The following USH2A variants were observed in gnomAD, a reference collection of about 807,000 sequenced individuals.
USH2A encodes the protein usherin.
A neutral mutation model predicts 538.9 loss-of-function variants in USH2A; 443 were observed. The observed-to-expected ratio is 0.82, with a 90% CI of 0.76 to 0.89. The LOEUF (loss-of-function observed/expected upper bound fraction) is 0.89, where lower values mean the gene tolerates loss of function less well. Among genes scored for constraint, USH2A ranks in the 40% least tolerant of loss-of-function variants. The pLI, the probability that USH2A is intolerant of heterozygous loss-of-function variation, is 0.00. For missense variants in USH2A, 6,633 were observed against 6,324.8 expected, an observed-to-expected ratio of 1.05 and a Z score of -1.65; for synonymous variants, 2,413 against 2,273.5, an observed-to-expected ratio of 1.06 and a Z score of -1.75.
At chr1:216,106,864 T>G (rs1349506385) in intron 21 of USH2A, among the ~76,000 whole-genome samples, 1 of 151,900 alleles carries the variant, frequency 6.6e-6, no homozygotes, top group Non-Finnish European at 1.5e-5. Flanking sequence ...GTTAAAAAAT[T>G]CCCCTTAATT....
intron 14 of USH2A, among the ~76,000 whole-genome samples, chr1:216,227,439 T>G (rs1470536233): frequency 6.6e-6 from 1 of 152,074 alleles, no homozygotes; most frequent in Non-Finnish European, 1.5e-5. Context: ...AGGAAGGAGT[T>G]TGTAGAATGA....
intron 15 of USH2A, among the ~76,000 whole-genome samples, chr1:216,209,910 T>TG (rs2035201459): frequency 6.6e-6 from 1 of 152,148 alleles, no homozygotes; most frequent in South Asian, 2.1e-4. Context: ...TACCTGTTCC[T>TG]TTTTCTCCCC....
At chr1:216,061,992 T>C (rs1185654027) in intron 30 of USH2A, among the ~76,000 whole-genome samples, 2 of 152,132 alleles carry the variant, frequency 1.3e-5, no homozygotes, top group African/African-American at 2.4e-5. Flanking sequence ...GTAAGATGAT[T>C]TGAAAACAGT....
chr1:216,174,357 G>A, intron 21 of USH2A: 1 of 983,774 alleles, frequency 1.0e-6, no homozygotes. Context: ...TGTACCATAA[G>A]TAGAGTTTTT....
At chr1:216,261,813 C>T (rs920530075) in intron 11 of USH2A, among the ~76,000 whole-genome samples, 10 of 152,228 alleles carry the variant, frequency 6.6e-5, no homozygotes, top group African/African-American at 2.4e-4. Context: ...CAAAGCAAGC[C>T]AGTTCCTAAG....
At chr1:215,717,807 T>C (rs1659528550) in intron 61 of USH2A, among the ~76,000 whole-genome samples, 1 of 152,180 alleles carries the variant, frequency 6.6e-6, no homozygotes. Flanking sequence ...GGTTTTCAAC[T>C]TTAATTTTGT....
At chr1:215,626,292 A>G (rs1656021408) in intron 71 of USH2A, among the ~76,000 whole-genome samples, 1 of 149,804 alleles carries the variant, frequency 6.7e-6, no homozygotes, top group Non-Finnish European at 1.5e-5. Flanking sequence ...TTTAGTGTAT[A>G]TATACACTAT....
chr1:215,632,051 T>G (rs942418643), intron 70 of USH2A, among the ~76,000 whole-genome samples: 21 of 152,018 alleles, frequency 1.4e-4, no homozygotes, highest in Admixed American at 7.2e-4. Context: ...CAGACTTCTT[T>G]TTTTGTTTTG....
chr1:216,168,284 T>A (rs1251563407), intron 21 of USH2A, among the ~76,000 whole-genome samples: 1 of 152,144 alleles, frequency 6.6e-6, no homozygotes, highest in Non-Finnish European at 1.5e-5. Context: ...GCATTTTTTT[T>A]AAGCAATGAA....
rs146779353 is a variant in USH2A at position 215,976,462 on chromosome 1, C to T, written c.6806-5686G>A. Among the ~76,000 whole-genome samples, 1,183 of 152,032 alleles carry T rather than the reference C, an allele frequency of 7.8e-3. 15 individuals are homozygous for T. The highest frequency in any genetic ancestry group is 0.027 in the African/African-American group (1,107 of 41,482). On this transcript the variant is annotated intron_variant, in intron 35 of 71. Transcript: ENST00000307340. ...GGCTGTGGGTTTGTCATAGATAGCTCTTATTATTTTGAAGTATGTTCTTTT... is the reference window on the plus strand; with the variant it reads ...GGCTGTGGGTTTGTCATAGATAGCTTTTATTATTTTGAAGTATGTTCTTTT...
chr1:215,642,495 C>T (rs574266751), intron 67 of USH2A, among the ~76,000 whole-genome samples: 1 of 152,192 alleles, frequency 6.6e-6, no homozygotes, highest in Admixed American at 6.5e-5. Flanking sequence ...TTGGCTCACC[C>T]CAACTGTTAA....
chr1:215,939,519 CT>C lies in USH2A; in HGVS notation c.7121-4725del, dbSNP rs146462155. Among the ~76,000 whole-genome samples the C allele has an allele frequency of 7.5e-3, 1,143 of 152,192 alleles. 10 individuals carry two copies. Among genetic ancestry groups the C allele is most frequent in the African/African-American group, 0.026 (1,070 of 41,532 alleles). ...TGTTAACAATATTAATGCCCCTTTT[CT>C]GAGATGAAAATCTTATTTTCAATGC... On this transcript the variant is annotated intron_variant, in intron 37 of 71. Transcript: ENST00000307340.
In USH2A at chr1:215,627,465, C is replaced by CTTCT. The variant is rs1656091942; in HGVS notation, c.15519+1348_15519+1349insAGAA. ...CCTTCCTTCCTTCCTTCCTTCCTTC[C>CTTCT]TTCCTTCCTTCCTTCCTTCTTTCCT... On this transcript the variant is annotated intron_variant, in intron 71 of 71. Transcript: ENST00000307340. Among the ~76,000 whole-genome samples the CTTCT allele has an allele frequency of 4.0e-4, 53 of 132,728 alleles. 1 individual carries two copies. The highest frequency in any genetic ancestry group is 1.2e-3 in the African/African-American group (38 of 31,932). The allele number at this position is 132,728 out of a possible 152,430, so 87.1% of individuals were successfully genotyped here.
At chr1:215,869,905 A>C (rs940042967) in intron 43 of USH2A, among the ~76,000 whole-genome samples, 1 of 152,200 alleles carries the variant, frequency 6.6e-6, no homozygotes, top group African/African-American at 2.4e-5. Flanking sequence ...CGAAATACAC[A>C]ATTTACGTCT....
intron 44 of USH2A, among the ~76,000 whole-genome samples, chr1:215,849,048 G>A (rs1301013844): frequency 6.6e-6 from 1 of 152,092 alleles, no homozygotes; most frequent in Non-Finnish European, 1.5e-5. Flanking sequence ...GAATGAAGAG[G>A]CAAGTAAATT....
chr1:215,731,954 T>G (rs1660005957), intron 60 of USH2A, among the ~76,000 whole-genome samples: 1 of 152,206 alleles, frequency 6.6e-6, no homozygotes, highest in Non-Finnish European at 1.5e-5. Flanking sequence ...GTCCTCTAGT[T>G]TCTATTTCAT....
At chr1:216,108,083 T>A (rs1235552220) in intron 21 of USH2A, among the ~76,000 whole-genome samples, 1 of 152,040 alleles carries the variant, frequency 6.6e-6, no homozygotes, top group African/African-American at 2.4e-5. Context: ...ATTTCCATTT[T>A]CCTTCATTTT....
intron 32 of USH2A, among the ~76,000 whole-genome samples, chr1:216,025,511 T>A (rs1213077239): frequency 6.6e-6 from 1 of 152,084 alleles, no homozygotes; most frequent in Non-Finnish European, 1.5e-5. Context: ...GTCACATATT[T>A]ATTTATGGTG....
chr1:216,072,860 C>T (rs368385535), intron 29 of USH2A, 29 bp downstream of exon 29: 30 of 1,570,622 alleles, frequency 1.9e-5, no homozygotes, highest in Non-Finnish European at 2.5e-5. Context: ...TGTGTGTGTG[C>T]ACATATGCAT....
Sources: gnomAD v4.1 joint callset for allele counts (sites outside exome capture counted in the v4.1 genomes callset) on GRCh38, gnomAD v4.1.1 for gene constraint, MANE v1.5 for transcripts, NCBI Gene and HGNC (gene_info 2026-07-23, HGNC 2026-07-21) for gene names.